FBN1: variants seen among roughly 807,000 people sequenced by gnomAD.
The protein encoded by FBN1 is fibrillin-1.
A neutral mutation model predicts 365.1 loss-of-function variants in FBN1; 29 were observed. That is an observed-to-expected ratio of 0.08 (90% confidence interval 0.06 to 0.11). FBN1 has a LOEUF of 0.11. FBN1 is among the 10% of genes least tolerant of loss of function. FBN1 has a pLI of 1.00. For missense variants in FBN1, 2,476 were observed against 3,703.2 expected (o/e 0.67, Z 8.60); for synonymous variants, 1,210 against 1,270.5 (o/e 0.95, Z 1.01).
chr15:48,449,072 G>A (rs1441255705), intron 45 of FBN1, among the ~76,000 whole-genome samples, 179 bp from the exon 46 acceptor site: 1 of 152,134 alleles, frequency 6.6e-6, no homozygotes, highest in Non-Finnish European at 1.5e-5. Flanking sequence ...CATAGTCAGA[G>A]TATGTTAACA....
intron 17 of FBN1, among the ~76,000 whole-genome samples, chr15:48,501,865 T>C (rs943872561): frequency 6.6e-6 from 1 of 152,232 alleles, no homozygotes; most frequent in African/African-American, 2.4e-5. Context: ...TATAAAGTTA[T>C]AGGCAAATGT....
At chr15:48,573,125 G>T (rs1347396443) in intron 6 of FBN1, among the ~76,000 whole-genome samples, 1 of 152,168 alleles carries the variant, frequency 6.6e-6, no homozygotes, top group African/African-American at 2.4e-5. Context: ...CCGAAAACAG[G>T]AGGCTAAGAA....
At chr15:48,598,387 T>G (rs74014622) in intron 5 of FBN1, among the ~76,000 whole-genome samples, 2,155 of 152,326 alleles carry the variant, frequency 0.014, 48 homozygotes, top group African/African-American at 0.05. Context: ...ACAGAGTAAC[T>G]GAAAAGATGT....
At chr15:48,417,576 T>C (rs1379816850) in intron 63 of FBN1, among the ~76,000 whole-genome samples, 5 of 152,016 alleles carry the variant, frequency 3.3e-5, no homozygotes, top group East Asian at 1.9e-4. Flanking sequence ...ATCTTTTGTA[T>C]CCAAAGACCT....
At chr15:48,524,859 CT>C (rs1169355867) in intron 9 of FBN1, among the ~76,000 whole-genome samples, 1 of 152,156 alleles carries the variant, frequency 6.6e-6, no homozygotes, top group East Asian at 1.9e-4. Flanking sequence ...TCTTAGTTCC[CT>C]TCCATTCCTC....
At chr15:48,536,972 C>T (rs555920413) in intron 7 of FBN1, among the ~76,000 whole-genome samples, 1 of 152,320 alleles carries the variant, frequency 6.6e-6, no homozygotes, top group African/African-American at 2.4e-5. Flanking sequence ...TGTTCACTTC[C>T]TCCTGTTTCC....
chr15:48,425,270 A>C, intron 60 of FBN1, 99 bp downstream of exon 60: 23 of 1,521,880 alleles, frequency 1.5e-5, no homozygotes, highest in Non-Finnish European at 1.9e-5. Context: ...TCCTGCCTGT[A>C]GAGCAGGTCT....
intron 52 of FBN1, 47 bp downstream of exon 52, chr15:48,437,275 G>A (rs779141064): frequency 6.5e-7 from 1 of 1,537,236 alleles, no homozygotes; most frequent in Non-Finnish European, 9.0e-7. Context: ...AGAAGAAGCA[G>A]ATTGAGAATA....
At chr15:48,624,526 A>G (rs903138400) in intron 2 of FBN1, among the ~76,000 whole-genome samples, 2 of 152,240 alleles carry the variant, frequency 1.3e-5, no homozygotes, top group Admixed American at 1.3e-4. Context: ...TTGACCATCT[A>G]AGGATGAGGA....
At chr15:48,458,398 A>C (rs976697782) in intron 43 of FBN1, among the ~76,000 whole-genome samples, 1 of 152,158 alleles carries the variant, frequency 6.6e-6, no homozygotes, top group Non-Finnish European at 1.5e-5. Flanking sequence ...TTAGAATCTC[A>C]AAGGGTTCAT....
chr15:48,468,775 A>C (rs1017408392), intron 36 of FBN1, among the ~76,000 whole-genome samples: 2 of 149,800 alleles, frequency 1.3e-5, no homozygotes, highest in Non-Finnish European at 3.0e-5. Flanking sequence ...ATCAGGATAA[A>C]ATATAACTTT....
At position 48,596,376 on chromosome 15, in the gene FBN1, C is replaced by G; in HGVS notation, c.445G>C (p.Val149Leu). The stretch of plus-strand genomic sequence containing the variant: ...CCATTGAGACAGCCACTTTCACAAA[C>G]AGCTGTAAAATAAGGAGAGAGCTGA... ...GYIGTHCGQPVCESGCLNGGR... is the reference protein window; with the variant it reads ...GYIGTHCGQPLCESGCLNGGR... Residue 149 changes from valine to leucine, a missense_variant and splice_region_variant, in exon 6 of 66, where the codon GTT (valine) becomes CTT (leucine). Around this residue, in one of 5 missense-constraint regions of FBN1, gnomAD observed 421 missense variants for 520.1 expected, o/e 0.81. Coordinates refer to ENST00000316623, the MANE Select transcript of FBN1 (RefSeq NM_000138.5). 6.2e-7 allele frequency: 1 copy of G among 1,613,852 alleles called. No homozygotes were observed. Among genetic ancestry groups the G allele is most frequent in the Non-Finnish European group, 8.5e-7 (1 of 1,179,766 alleles).
At chr15:48,461,015 G>T (rs1426276664) in intron 42 of FBN1, among the ~76,000 whole-genome samples, 1 of 152,116 alleles carries the variant, frequency 6.6e-6, no homozygotes, top group Non-Finnish European at 1.5e-5. Context: ...GGTAAGGTAT[G>T]GTATCAATCT....
intron 30 of FBN1, 32 bp downstream of exon 30, chr15:48,485,342 A>C: frequency 6.2e-7 from 1 of 1,614,046 alleles, no homozygotes; most frequent in South Asian, 1.1e-5. Context: ...GAACCTACTG[A>C]GAGATTCAAC....
chr15:48,522,443 C>A (rs941888473), intron 9 of FBN1, among the ~76,000 whole-genome samples: 3 of 152,096 alleles, frequency 2.0e-5, no homozygotes, highest in African/African-American at 7.2e-5. Context: ...TTGTCTTCCA[C>A]AAAACTAGTC....
chr15:48,596,433 G>GT, intron 5 of FBN1, 55 bp from the exon 6 acceptor site: 1 of 1,507,680 alleles, frequency 6.6e-7, no homozygotes, highest in Non-Finnish European at 9.2e-7. Flanking sequence ...TGCTAATGAA[G>GT]TAACACTTGT....
chr15:48,421,864 T>G lies in FBN1; in HGVS notation c.7570+88A>C, dbSNP rs370175861. Reference sequence around the variant, plus strand: ...CTCATATATTTCTTTGAGCTTTTATTTTCTTATCCCAACAGCAGAGGAAAT... The same window carrying G: ...CTCATATATTTCTTTGAGCTTTTATGTTCTTATCCCAACAGCAGAGGAAAT... On this transcript the variant is annotated intron_variant, in intron 61 of 65. Transcript: ENST00000316623. The G allele has an allele frequency of 2.4e-6, 3 of 1,275,822 alleles. No homozygotes were observed. The East Asian group carries it at 7.0e-5, about 30-fold the overall frequency. 79.0% of individuals were successfully genotyped at this position (1,275,822 alleles called of 1,614,324 possible).
chr15:48,616,341 T>A (rs544444270), intron 2 of FBN1, among the ~76,000 whole-genome samples: 43 of 152,392 alleles, frequency 2.8e-4, no homozygotes, highest in Non-Finnish European at 2.4e-4. Context: ...CTAAATGCTA[T>A]GTGGTATGGC....
chr15:48,522,829 A>C (rs2043870723), intron 9 of FBN1, among the ~76,000 whole-genome samples: 1 of 152,246 alleles, frequency 6.6e-6, no homozygotes, highest in South Asian at 2.1e-4. Context: ...AAGTACTTAA[A>C]ACCACTAGCC....
Sources: allele counts gnomAD v4.1 joint callset (sites outside exome capture counted in the v4.1 genomes callset), GRCh38; gene constraint gnomAD v4.1.1; regional missense constraint gnomAD v4.1.1; transcripts MANE v1.5; gene names NCBI Gene and HGNC (gene_info 2026-07-23, HGNC 2026-07-21).